SCN9A: variants seen among roughly 807,000 people sequenced by gnomAD.
SCN9A encodes sodium voltage-gated channel alpha subunit 9, also known as sodium channel protein type 9 subunit alpha.
SCN9A carries 131 observed loss-of-function variants against 187.0 expected under a neutral mutation model. That is an observed-to-expected ratio of 0.70 (90% CI 0.61 to 0.81). SCN9A has a LOEUF of 0.81. SCN9A is among the 30% of genes least tolerant of loss of function. The pLI, the probability that SCN9A is intolerant of heterozygous loss-of-function variation, is 0.00. For synonymous variants in SCN9A, 809 were observed against 808.6 expected (o/e 1.00, Z -0.01); for missense variants, 2,252 against 2,396.6 (o/e 0.94, Z 1.26).
chr2:166,288,776 T>C (rs1399043121), intron 9 of SCN9A, 133 bp from the exon 10 acceptor site: 3 of 606,202 alleles, frequency 4.9e-6, no homozygotes, highest in Non-Finnish European at 8.1e-6. Context: ...AGAAAAGTTA[T>C]ATCTTCATGG....
chr2:166,242,096 G>T (rs1695590156), intron 19 of SCN9A, among the ~76,000 whole-genome samples: 2 of 152,106 alleles, frequency 1.3e-5, no homozygotes, highest in Admixed American at 1.3e-4. Context: ...CAGTTCCCCA[G>T]ATCCTTACTA....
At chr2:166,296,715 C>T (rs990173779) in intron 7 of SCN9A, among the ~76,000 whole-genome samples, 6 of 152,062 alleles carry the variant, frequency 3.9e-5, no homozygotes, top group Admixed American at 3.9e-4. Context: ...TAAAGCAATG[C>T]AGGTAGCTCA....
intron 1 of SCN9A, among the ~76,000 whole-genome samples, chr2:166,357,795 G>A (rs1278369966): frequency 6.6e-6 from 1 of 152,052 alleles, no homozygotes; most frequent in Non-Finnish European, 1.5e-5. Context: ...AATAAAGCTT[G>A]CATTGCTTGA....
At chr2:166,204,323 G>A in intron 25 of SCN9A, 37 bp downstream of exon 25, 2 of 1,564,690 alleles carry the variant, frequency 1.3e-6, no homozygotes, top group African/African-American at 1.4e-5. Flanking sequence ...GAAATAATTT[G>A]AAAATCTATA....
intron 1 of SCN9A, among the ~76,000 whole-genome samples, chr2:166,326,725 C>T (rs965694042): frequency 6.6e-6 from 1 of 152,168 alleles, no homozygotes; most frequent in Admixed American, 6.5e-5. Context: ...ATTAGACTAA[C>T]CATCCTACTG....
chr2:166,307,217 A>C, intron 2 of SCN9A, 143 bp from the exon 3 acceptor site: 6 of 561,496 alleles, frequency 1.1e-5, no homozygotes, highest in East Asian at 2.9e-5. Context: ...TTCCAATGTC[A>C]TCAACGCATC....
chr2:166,297,058 G>A (rs1406260946), intron 7 of SCN9A, among the ~76,000 whole-genome samples: 5 of 151,356 alleles, frequency 3.3e-5, no homozygotes, highest in African/African-American at 4.9e-5. Context: ...ATAGCTGGGC[G>A]TGGTGGCGGG....
Position 166,272,779 on chromosome 2 carries a change from CA to C in SCN9A, c.2970del (p.Ile990MetfsTer3). ...EEDPDANNLQ[I>X]AVTRIKKGIN... ...ATTCCCTTTTTAATTCTAGTCACTG[CA>C]ATCTGGAGGTTGTTTGCATCAGGGT... On this transcript the variant is annotated frameshift_variant, in exon 17 of 27. Transcript: ENST00000642356. LOFTEE classifies it high-confidence loss of function. 2.6e-6 allele frequency: 4 copies of C among 1,530,866 alleles called. No homozygotes were observed. The highest frequency in any genetic ancestry group is 3.5e-6 in the Non-Finnish European group (4 of 1,143,292). 94.8% of individuals were successfully genotyped at this position (1,530,866 alleles called of 1,614,324 possible).
rs774643211 is a variant in SCN9A, at chr2:166,286,329, G to A, written c.1602+7C>T. The stretch of plus-strand genomic sequence containing the variant: ...GGGTGATACACATTTAGCAATTTGG[G>A]TGGTACCTGATTGGGGGTAGACAAC... On this transcript the variant is annotated splice_region_variant and intron_variant, in intron 11 of 26. Transcript: ENST00000642356. The A allele has an allele frequency of 1.9e-6, 3 of 1,599,210 alleles. No individual in the cohort carries two copies. Among genetic ancestry groups the A allele is most frequent in the East Asian group, 2.2e-5 (1 of 44,772 alleles).
chr2:166,333,011 A>G (rs2105266994), intron 1 of SCN9A, among the ~76,000 whole-genome samples: 3 of 151,470 alleles, frequency 2.0e-5, no homozygotes, highest in Middle Eastern at 6.8e-3. Flanking sequence ...CAAATCCAAG[A>G]ATATATTTAT....
chr2:166,374,104 A>G (rs1700628281), intron 1 of SCN9A, among the ~76,000 whole-genome samples: 1 of 152,184 alleles, frequency 6.6e-6, no homozygotes, highest in Admixed American at 6.5e-5. Flanking sequence ...CCCTAGGGGA[A>G]AGGAGGCCCA....
chr2:166,295,897 G>T (rs545714112), intron 7 of SCN9A: 3 of 152,228 alleles, frequency 2.0e-5, no homozygotes, highest in East Asian at 3.9e-4. Context: ...TGCTGTTAAG[G>T]CTTGTTCCTA....
chr2:166,203,188 T>C (rs1441183365), intron 26 of SCN9A, among the ~76,000 whole-genome samples: 1 of 151,882 alleles, frequency 6.6e-6, no homozygotes, highest in East Asian at 1.9e-4. Context: ...AATTTTATGA[T>C]TCTAAGTCAT....
chr2:166,283,709 A>T (rs1327667805), intron 12 of SCN9A, among the ~76,000 whole-genome samples: 1 of 152,210 alleles, frequency 6.6e-6, no homozygotes, highest in Admixed American at 6.5e-5. Flanking sequence ...AATATTTTTT[A>T]AAAATGAAAA....
Position 166,238,257 on chromosome 2 carries a change from T to A in SCN9A, c.3638A>T (p.Asp1213Val). The change falls in exon 20 of 27, where the codon GAT (aspartate) becomes GTT (valine). Residue 1213 changes from aspartate to valine, a missense_variant. Asp to Val is a radical substitution (Grantham distance 152). Around this residue, in one of 7 missense-constraint regions of SCN9A, gnomAD observed 313 missense variants for 295.3 expected, o/e 1.06. Coordinates refer to ENST00000642356, the MANE Select transcript of SCN9A (RefSeq NM_001365536.1). The stretch of plus-strand genomic sequence containing the variant: ...GGTCTTTTTCCTTTCAATATAAATA[T>A]CTTCAAAAGCCTGTGGAAATAATAT... The part of the protein sequence containing the change: ...LLSSGALAFE[D>V]IYIERKKTIK... 6.4e-7 allele frequency: 1 copy of A among 1,562,856 alleles called. No individual in the cohort carries two copies. Among genetic ancestry groups the A allele is most frequent in the Non-Finnish European group, 8.7e-7 (1 of 1,154,446 alleles).
At chr2:166,294,875 C>T in intron 7 of SCN9A, 1 of 401,058 alleles carries the variant, frequency 2.5e-6, no homozygotes, top group Non-Finnish European at 4.4e-6. Flanking sequence ...TGACAATAAA[C>T]ACGATAAATA....
At chr2:166,304,934 G>GA (rs914301108) in intron 5 of SCN9A, among the ~76,000 whole-genome samples, 3 of 151,976 alleles carry the variant, frequency 2.0e-5, no homozygotes, top group South Asian at 4.1e-4. Flanking sequence ...GTACCAATAG[G>GA]AAAAAAAGGA....
intron 1 of SCN9A, among the ~76,000 whole-genome samples, 175 bp from the exon 2 acceptor site, chr2:166,311,981 C>T (rs1298043826): frequency 6.6e-6 from 1 of 152,114 alleles, no homozygotes; most frequent in African/African-American, 2.4e-5. Context: ...CGGGACTTAT[C>T]TTTCGTGCCT....
At chr2:166,278,411 G>C in intron 14 of SCN9A, 98 bp from the exon 15 acceptor site, 1 of 1,012,924 alleles carries the variant, frequency 9.9e-7, no homozygotes, top group South Asian at 1.7e-5. Context: ...CTGTGTTCCA[G>C]ACAGTTTGCT....
Sources: allele counts gnomAD v4.1 joint callset (sites outside exome capture counted in the v4.1 genomes callset), GRCh38; gene constraint gnomAD v4.1.1; regional missense constraint gnomAD v4.1.1; transcripts MANE v1.5; gene names NCBI Gene and HGNC (gene_info 2026-07-23, HGNC 2026-07-21).